Variants in ADGB observed in about 807,000 individuals in gnomAD.
ADGB encodes calpain-7-like protein.
ADGB carries 172 observed loss-of-function variants against 210.5 expected under a neutral mutation model. That is an observed-to-expected ratio of 0.82 (90% CI 0.72 to 0.93). The LOEUF is 0.93. Ranked by LOEUF, ADGB falls within the 40% of genes least tolerant of loss-of-function variation. ADGB has a pLI of 0.00. For missense variants in ADGB, 2,025 were observed against 1,964.8 expected (o/e 1.03, Z -0.58); for synonymous variants, 658 against 662.7 (o/e 0.99, Z 0.11).
At chr6:146,738,723 C>T (rs1246306353) in intron 23 of ADGB, among the ~76,000 whole-genome samples, 1 of 152,030 alleles carries the variant, frequency 6.6e-6, no homozygotes, top group Admixed American at 6.6e-5. Flanking sequence ...GCTGGGATTA[C>T]CTGGGATTAC....
chr6:146,614,216 CCTCCCTTCCTTCCTT>C (rs1562255269), intron 1 of ADGB, among the ~76,000 whole-genome samples: 48 of 31,510 alleles, frequency 1.5e-3, no homozygotes, highest in African/African-American at 3.3e-3. Flanking sequence ...TCCCTTCCTT[CCTCCCTTCCTTCCTT>C]CCTTCCTTCC....
intron 10 of ADGB, among the ~76,000 whole-genome samples, chr6:146,689,987 G>A (rs1266377711): frequency 1.3e-5 from 2 of 151,976 alleles, no homozygotes; most frequent in Non-Finnish European, 2.9e-5. Context: ...TTCTTAATTC[G>A]GTGACTTAAC....
chr6:146,625,374 T>A (rs1406475149), intron 1 of ADGB, among the ~76,000 whole-genome samples: 7 of 152,142 alleles, frequency 4.6e-5, no homozygotes. Context: ...TTTATAATGT[T>A]AGTTTTGTTC....
At chr6:146,648,530 TG>T (rs1775654112) in intron 3 of ADGB, among the ~76,000 whole-genome samples, 1 of 152,056 alleles carries the variant, frequency 6.6e-6, no homozygotes, top group Non-Finnish European at 1.5e-5. Context: ...CTTCTTCACA[TG>T]GTGACAGGAG....
At chr6:146,740,205 T>C (rs1777144636) in intron 23 of ADGB, among the ~76,000 whole-genome samples, 1 of 152,128 alleles carries the variant, frequency 6.6e-6, no homozygotes, top group Non-Finnish European at 1.5e-5. Context: ...CAATCATGAA[T>C]CATGTTTCCT....
rs1050748653 is a variant in ADGB, at chr6:146,656,980, G to A, written c.612G>A (p.Met204Ile). 1.1e-5 allele frequency: 17 copies of A among 1,547,894 alleles called. No individual in the cohort carries two copies. The African/African-American group carries it at 2.2e-4, about 20-fold the overall frequency. ...YGKYVVKLYW[M>I]GCWRKITIDD... The stretch of plus-strand genomic sequence containing the variant: ...AGTATGTTGTGAAACTTTACTGGAT[G>A]GTAAGTCCATTTTCGTGTGCATAAA... Residue 204 changes from methionine (M) to isoleucine (I), a missense_variant and splice_region_variant, in exon 5 of 36, where the codon ATG becomes ATA. Physicochemically the swap from Met to Ile is conservative, Grantham distance 10. Coordinates refer to ENST00000397944, the MANE Select transcript of ADGB (RefSeq NM_024694.4).
chr6:146,732,752 A>T (rs1161277950), intron 20 of ADGB, among the ~76,000 whole-genome samples: 3 of 152,178 alleles, frequency 2.0e-5, no homozygotes, highest in Non-Finnish European at 4.4e-5. Context: ...CATATGAAAT[A>T]ATAGTGTGTC....
rs1273673983 is a variant in ADGB at position 146,728,583 on chromosome 6, C to T, written c.2362C>T (p.Arg788Ter). The change falls in exon 20 of 36, where the codon CGA (arginine) becomes TGA (stop). Residue 788 changes from arginine to a stop codon, truncating the protein, a stop_gained. Transcript: ENST00000397944. LOFTEE classifies it high-confidence loss of function. ...VLPNFEPESC[R>*]FTEQSLLIMK... ...TGCTTTGTCTTCACAGGAGAGCTGC[C>T]GATTTACGGAACAGTCTCTGTTGAT... 9 of 1,550,720 alleles carry T rather than the reference C, an allele frequency of 5.8e-6. No individual in the cohort carries two copies. The highest frequency in any genetic ancestry group is 1.4e-5 in the African/African-American group (1 of 73,006).
At position 146,803,567 on chromosome 6, in the gene ADGB, C is replaced by T. The variant is rs955755212; in HGVS notation, c.4818+1556C>T. 7 of 1,517,338 alleles carry T rather than the reference C, an allele frequency of 4.6e-6. No individual in the cohort carries two copies. In the African/African-American group the frequency reaches 8.3e-5, roughly 18 times the overall value. 94.0% of individuals were successfully genotyped at this position (1,517,338 alleles called of 1,614,324 possible). A position where few individuals can be genotyped will look rare whatever the true frequency, so the allele number is the denominator to read the frequency against. ...CCAACTGTTCTATTTATGTAAGCAG[C>T]CAACTGTTTTGGAGACTTCTTAACC... On this transcript the variant is annotated intron_variant, in intron 35 of 35. Coordinates refer to ENST00000397944, the MANE Select transcript of ADGB (RefSeq NM_024694.4).
chr6:146,760,276 A>T (rs768783878), intron 27 of ADGB, among the ~76,000 whole-genome samples: 10 of 151,834 alleles, frequency 6.6e-5, no homozygotes, highest in Non-Finnish European at 1.0e-4. Flanking sequence ...TCACCCTCAA[A>T]GAGGCAATCA....
At chr6:146,689,886 C>G (rs1046061800) in intron 10 of ADGB, among the ~76,000 whole-genome samples, 7 of 152,070 alleles carry the variant, frequency 4.6e-5, no homozygotes, top group Non-Finnish European at 8.8e-5. Context: ...TTAAGGCACT[C>G]TAAGACATAA....
intron 35 of ADGB, chr6:146,803,734 T>C (rs1442521694): frequency 1.5e-5 from 13 of 865,660 alleles, no homozygotes; most frequent in Non-Finnish European, 2.2e-5. Context: ...CGGCGCCTCA[T>C]GGTACCGCGG....
rs1005138459 is a variant in ADGB at position 146,699,678 on chromosome 6, A to G, written c.1578-1263A>G. ...CCTAAAATTCACCACCACACTCTCT[A>G]AGATGATGATTTTGCTATTCAAAAT... On this transcript the variant is annotated intron_variant, in intron 12 of 35. Coordinates refer to ENST00000397944, the MANE Select transcript of ADGB (RefSeq NM_024694.4). Among the ~76,000 whole-genome samples the G allele has an allele frequency of 1.5e-5, 2 of 134,468 alleles. 1 individual carries two copies. Among genetic ancestry groups the G allele is most frequent in the South Asian group, 4.2e-4 (2 of 4,808 alleles). The allele number at this position is 134,468 out of a possible 152,430, so 88.2% of individuals were successfully genotyped here.
chr6:146,714,585 A>G (rs1378830783), intron 13 of ADGB, among the ~76,000 whole-genome samples: 1 of 152,206 alleles, frequency 6.6e-6, no homozygotes, highest in African/African-American at 2.4e-5. Flanking sequence ...CTGTTTAGGC[A>G]AAAGAAGACT....
At chr6:146,794,193 T>C (rs889524457) in intron 33 of ADGB, among the ~76,000 whole-genome samples, 2 of 152,188 alleles carry the variant, frequency 1.3e-5, no homozygotes, top group Admixed American at 6.5e-5. Flanking sequence ...GTCCAGTTTG[T>C]AAGGAGGCAG....
At chr6:146,664,106 A>T (rs1284015769) in intron 5 of ADGB, 95 bp from the exon 6 acceptor site, 1 of 1,239,052 alleles carries the variant, frequency 8.1e-7, no homozygotes, top group African/African-American at 1.5e-5. Flanking sequence ...AAAATTGGAA[A>T]ACGGTAAATA....
chr6:146,772,532 T>C (rs1430360286), intron 29 of ADGB, among the ~76,000 whole-genome samples: 1 of 147,736 alleles, frequency 6.8e-6, no homozygotes, highest in South Asian at 2.1e-4. Context: ...ACAGTAGTAC[T>C]GGTTTCACGT....
chr6:146,620,357 A>T (rs1358335106), intron 1 of ADGB, among the ~76,000 whole-genome samples: 1 of 152,090 alleles, frequency 6.6e-6, no homozygotes, highest in Non-Finnish European at 1.5e-5. Context: ...ATTTCTTTAG[A>T]TATGCTTTCT....
chr6:146,714,310 A>G (rs1204531861), intron 13 of ADGB, among the ~76,000 whole-genome samples: 13 of 134,012 alleles, frequency 9.7e-5, no homozygotes, highest in Non-Finnish European at 1.7e-4. Context: ...CCCAATGTGC[A>G]TCTTGTTTTT....
Sources: allele counts gnomAD v4.1 joint callset (sites outside exome capture counted in the v4.1 genomes callset), GRCh38; gene constraint gnomAD v4.1.1; transcripts MANE v1.5; gene names NCBI Gene and HGNC (gene_info 2026-07-23, HGNC 2026-07-21).